The following APOBEC1 variants were observed in gnomAD, a reference collection of about 807,000 sequenced individuals.
APOBEC1 encodes the protein C->U-editing enzyme APOBEC-1.
In APOBEC1, 22 loss-of-function variants were observed where a neutral mutation model predicts 26.3. The ratio of observed to expected loss-of-function variants is 0.84; its 90% confidence interval spans 0.60 to 1.19. The LOEUF (loss-of-function observed/expected upper bound fraction) is 1.19, where lower values mean the gene tolerates loss of function less well. Among genes scored for constraint, APOBEC1 ranks in the 50% most tolerant of loss-of-function variants. The pLI is 0.00. For synonymous variants in APOBEC1, 77 were observed against 95.3 expected (o/e 0.81, Z 1.12); for missense variants, 253 against 289.0 (o/e 0.88, Z 0.90).
intron 1 of APOBEC1, among the ~76,000 whole-genome samples, chr12:7,662,345 G>C (rs1034135314): frequency 6.6e-6 from 1 of 152,136 alleles, no homozygotes; most frequent in Non-Finnish European, 1.5e-5. Context: ...ACTTTTGGGA[G>C]GCCAAGGCGG....
intron 3 of APOBEC1, among the ~76,000 whole-genome samples, chr12:7,651,785 G>A (rs1863644686): frequency 6.6e-6 from 1 of 151,280 alleles, no homozygotes; most frequent in African/African-American, 2.4e-5. Context: ...ATGCTGCCAT[G>A]CCTGTCTGAT....
At chr12:7,656,993 T>C (rs1000926561) in intron 1 of APOBEC1, among the ~76,000 whole-genome samples, 1 of 152,132 alleles carries the variant, frequency 6.6e-6, no homozygotes, top group Non-Finnish European at 1.5e-5. Flanking sequence ...TATGGATTTT[T>C]AGTTTGGGTT....
chr12:7,652,636 A>G lies in APOBEC1; in HGVS notation c.244T>C (p.Cys82Arg), dbSNP rs752858004. ...CAGGACAAGAACCAGGTGATGGAGC[A>G]GCTCATGGATGGGTGAAAATCTCTT... ...SERDFHPSMS[C>R]SITWFLSWSP... The change falls in exon 3 of 5, where the codon TGC (cysteine) becomes CGC (arginine). Residue 82 changes from cysteine (C) to arginine (R), a missense_variant. By Grantham distance (180) the Cys-to-Arg change is radical. Transcript: ENST00000229304. 1 of 1,614,164 alleles carries G rather than the reference A, an allele frequency of 6.2e-7. No homozygotes were observed. Among genetic ancestry groups the G allele is most frequent in the Non-Finnish European group, 8.5e-7 (1 of 1,179,970 alleles).
At chr12:7,656,454 G>A (rs1251631125) in intron 1 of APOBEC1, among the ~76,000 whole-genome samples, 3 of 152,088 alleles carry the variant, frequency 2.0e-5, no homozygotes, top group Non-Finnish European at 4.4e-5. Context: ...CACTCTAGAG[G>A]AGGAAGTAAA....
rs746096886 is a variant in APOBEC1, at chr12:7,651,022, C to T, written c.561+1G>A. On this transcript the variant is annotated splice_donor_variant, in intron 4 of 4. Coordinates refer to ENST00000229304, the MANE Select transcript of APOBEC1 (RefSeq NM_001644.5). LOFTEE classifies it high-confidence loss of function. Reference sequence around the variant, plus strand: ...ACATTTGTGTCCCTAAAGTGACTTACTAGAATTATGCAGTGCAGCTCCAGT... The same window carrying T: ...ACATTTGTGTCCCTAAAGTGACTTATTAGAATTATGCAGTGCAGCTCCAGT... 2.5e-6 allele frequency: 4 copies of T among 1,601,526 alleles called. No individual in the cohort carries two copies. Among genetic ancestry groups the T allele is most frequent in the Non-Finnish European group, 3.4e-6 (4 of 1,170,468 alleles).
At chr12:7,665,970 G>T, upstream of APOBEC1, 3 of 1,304,134 alleles carry the variant, frequency 2.3e-6, no homozygotes, top group Non-Finnish European at 3.3e-6. Flanking sequence ...ACCTGCTTGG[G>T]CAGAGGATGA....
chr12:7,662,242 G>A (rs1430835487), intron 1 of APOBEC1, among the ~76,000 whole-genome samples: 1 of 152,068 alleles, frequency 6.6e-6, no homozygotes, highest in Non-Finnish European at 1.5e-5. Flanking sequence ...CAGCCTGGGC[G>A]ACAGAGCAAG....
intron 1 of APOBEC1, among the ~76,000 whole-genome samples, chr12:7,655,674 G>T (rs1592058954): frequency 6.6e-6 from 1 of 152,246 alleles, no homozygotes; most frequent in East Asian, 1.9e-4. Flanking sequence ...AAAGGAGGTG[G>T]CATTGGTGGG....
At chr12:7,669,065 C>T (rs143770958), upstream of APOBEC1, among the ~76,000 whole-genome samples, 197 of 152,234 alleles carry the variant, frequency 1.3e-3, 3 homozygotes, top group African/African-American at 4.7e-3. Context: ...AGCAGCTATC[C>T]TCCTACTCCT....
At chr12:7,669,195 CTTTT>C (rs201005757), upstream of APOBEC1, among the ~76,000 whole-genome samples, 3 of 141,016 alleles carry the variant, frequency 2.1e-5, no homozygotes, top group African/African-American at 5.2e-5. Flanking sequence ...TCAGCTTTTC[CTTTT>C]TTTTTTTTTG....
In APOBEC1 at chr12:7,655,493, T is replaced by TCACGCCACTGCACTCTAG. The variant is rs1565440712; in HGVS notation, c.17-862_17-861insCTAGAGTGCAGTGGCGTG. Among the ~76,000 whole-genome samples, 35 of 148,302 alleles carry TCACGCCACTGCACTCTAG rather than the reference T, an allele frequency of 2.4e-4. No individual in the cohort carries two copies. In the East Asian group the frequency reaches 4.4e-3, roughly 18 times the overall value. ...TCACGCCACTGCACTCTAGCCTGAG[T>TCACGCCACTGCACTCTAG]GACAGAGCAAGACTCCTTAAAAAAA... On this transcript the variant is annotated intron_variant, in intron 1 of 4. Coordinates refer to ENST00000229304, the MANE Select transcript of APOBEC1 (RefSeq NM_001644.5).
intron 3 of APOBEC1, among the ~76,000 whole-genome samples, chr12:7,651,680 T>TGTG (rs1357801118): frequency 6.6e-6 from 1 of 151,850 alleles, no homozygotes; most frequent in African/African-American, 2.4e-5. Flanking sequence ...TTTCGCTCTG[T>TGTG]CACCTAGGCC....
chr12:7,649,733 G>T (rs750071019), intron 4 of APOBEC1, 37 bp from the exon 5 acceptor site: 6 of 1,405,332 alleles, frequency 4.3e-6, no homozygotes, highest in Non-Finnish European at 4.9e-6. Flanking sequence ...TCCTTAGGAT[G>T]AATATTTTAA....
chr12:7,653,124 G>T (rs12422951), intron 2 of APOBEC1, among the ~76,000 whole-genome samples: 2,801 of 152,030 alleles, frequency 0.018, 244 homozygotes, highest in Admixed American at 0.14. Context: ...TAGAGACGGG[G>T]TTTCACCATG....
At chr12:7,661,564 C>A (rs1863820944) in intron 1 of APOBEC1, among the ~76,000 whole-genome samples, 1 of 151,914 alleles carries the variant, frequency 6.6e-6, no homozygotes, top group Non-Finnish European at 1.5e-5. Context: ...TTTTAAACCA[C>A]AACTCGAGAG....
At chr12:7,655,511 TAA>T (rs911208585) in intron 1 of APOBEC1, among the ~76,000 whole-genome samples, 2 of 139,722 alleles carry the variant, frequency 1.4e-5, no homozygotes, top group African/African-American at 2.6e-5. Context: ...CAAGACTCCT[TAA>T]AAAAAAAAAA....
chr12:7,656,922 C>T (rs1296905378), intron 1 of APOBEC1, among the ~76,000 whole-genome samples: 1 of 152,002 alleles, frequency 6.6e-6, no homozygotes, highest in Non-Finnish European at 1.5e-5. Flanking sequence ...GAGGTGAGAG[C>T]CTCCTGTGTA....
At chr12:7,654,571 A>C (rs143925738) in intron 2 of APOBEC1, 34 bp downstream of exon 2, 4 of 1,609,882 alleles carry the variant, frequency 2.5e-6, no homozygotes, top group African/African-American at 2.7e-5. Flanking sequence ...TTCTTGATCA[A>C]ATTAAATGGG....
chr12:7,660,382 A>AGGAC (rs1362316301), intron 1 of APOBEC1, among the ~76,000 whole-genome samples: 39 of 102,986 alleles, frequency 3.8e-4, no homozygotes, highest in South Asian at 8.8e-4. Flanking sequence ...GAAGGAAAGA[A>AGGAC]AGAAAGAAAG....
Sources: allele counts gnomAD v4.1 joint callset (sites outside exome capture counted in the v4.1 genomes callset), GRCh38; gene constraint gnomAD v4.1.1; transcripts MANE v1.5; gene names NCBI Gene and HGNC (gene_info 2026-07-23, HGNC 2026-07-21).